SPMIP7: variants seen among roughly 807,000 people sequenced by gnomAD.
The protein encoded by SPMIP7 is protein SPMIP7.
chr7:50,128,770 T>C, the SPMIP7 span, among the ~76,000 whole-genome samples: 1 of 152,004 alleles, frequency 6.6e-6, no homozygotes, highest in African/African-American at 2.4e-5. Flanking sequence ...TTATAATTCA[T>C]GGACAGTAAA....
chr7:50,137,913 T>C, the SPMIP7 span, among the ~76,000 whole-genome samples: 1 of 152,160 alleles, frequency 6.6e-6, no homozygotes, highest in African/African-American at 2.4e-5. Context: ...TTCTTGGTAA[T>C]ATGAATCAAA....
chr7:50,151,637 C>A, the SPMIP7 span: 2 of 951,314 alleles, frequency 2.1e-6, no homozygotes, highest in Non-Finnish European at 3.0e-6. Flanking sequence ...CATTAAAGAA[C>A]AATTAAATAG....
chr7:50,155,475 C>T, the SPMIP7 span, among the ~76,000 whole-genome samples: 1 of 152,082 alleles, frequency 6.6e-6, no homozygotes, highest in African/African-American at 2.4e-5. Context: ...AGGAGGGATC[C>T]GATGCAGAGA....
At chr7:50,126,906 A>G in the SPMIP7 span, among the ~76,000 whole-genome samples, 1 of 152,086 alleles carries the variant, frequency 6.6e-6, no homozygotes, top group South Asian at 2.1e-4. Flanking sequence ...GAATAGAAAA[A>G]ATACTAAATT....
chr7:50,157,108 G>T, the SPMIP7 span, among the ~76,000 whole-genome samples: 1 of 152,192 alleles, frequency 6.6e-6, no homozygotes, highest in East Asian at 1.9e-4. Context: ...GCATTTGGCT[G>T]GATCTCTGTA....
chr7:50,129,826 G>A, the SPMIP7 span: 3 of 1,386,410 alleles, frequency 2.2e-6, no homozygotes, highest in Non-Finnish European at 3.0e-6. Context: ...TTTTGATTTT[G>A]GAATATATTT....
At chr7:50,140,475 C>T in the SPMIP7 span, among the ~76,000 whole-genome samples, 3 of 152,102 alleles carry the variant, frequency 2.0e-5, no homozygotes, top group East Asian at 5.8e-4. Flanking sequence ...AATAAAATAC[C>T]TTGGATGCTA....
the SPMIP7 span, among the ~76,000 whole-genome samples, chr7:50,098,678 T>G: frequency 2.0e-5 from 3 of 152,168 alleles, no homozygotes; most frequent in African/African-American, 7.2e-5. Context: ...CCTTGCATCC[T>G]CAGAGAGAGA....
At chr7:50,140,037 A>AT in the SPMIP7 span, 2 of 758,298 alleles carry the variant, frequency 2.6e-6, no homozygotes, top group Non-Finnish European at 4.1e-6. Context: ...TTCCTATGAG[A>AT]TATCTGTGAA....
At chr7:50,141,625 A>G in the SPMIP7 span, 1 of 399,732 alleles carries the variant, frequency 2.5e-6, no homozygotes, top group Non-Finnish European at 4.7e-6. Context: ...TTCATCTGAA[A>G]CTTGTGAGAA....
chr7:50,110,018 G>A, the SPMIP7 span, among the ~76,000 whole-genome samples: 1 of 151,970 alleles, frequency 6.6e-6, no homozygotes, highest in Non-Finnish European at 1.5e-5. Flanking sequence ...GGATTTTTTG[G>A]TACACAATCA....
chr7:50,158,039 A>G, the SPMIP7 span, among the ~76,000 whole-genome samples: 538 of 152,360 alleles, frequency 3.5e-3, 3 homozygotes, highest in African/African-American at 0.013. Flanking sequence ...CAGAGCCAGT[A>G]AAACCCTGTA....
chr7:50,158,788 G>A, the SPMIP7 span, among the ~76,000 whole-genome samples: 2 of 152,000 alleles, frequency 1.3e-5, no homozygotes, highest in East Asian at 1.9e-4. Context: ...GCCCTCCCCA[G>A]GCACGGTGCG....
chr7:50,136,175 A>G, the SPMIP7 span: 9 of 1,537,210 alleles, frequency 5.9e-6, no homozygotes, highest in African/African-American at 4.1e-5. Context: ...TGTAAGTTTT[A>G]TCTCCTAAAG....
chr7:50,159,073 C>T, the SPMIP7 span: 12 of 1,552,010 alleles, frequency 7.7e-6, no homozygotes, highest in Middle Eastern at 1.7e-4. Context: ...TGGCAGTTGA[C>T]CTCTTCCGTC....
the SPMIP7 span, among the ~76,000 whole-genome samples, chr7:50,128,588 A>G: frequency 6.6e-6 from 1 of 152,018 alleles, no homozygotes; most frequent in South Asian, 2.1e-4. Context: ...CAAAATTTGT[A>G]TATCTATTAT....
At chr7:50,136,088 T>C in the SPMIP7 span, 1 of 1,545,464 alleles carries the variant, frequency 6.5e-7, no homozygotes, top group Non-Finnish European at 8.8e-7. Flanking sequence ...ATTTTGACGA[T>C]TATTTTTAGA....
At chr7:50,125,724 A>T in the SPMIP7 span, among the ~76,000 whole-genome samples, 1 of 152,000 alleles carries the variant, frequency 6.6e-6, no homozygotes, top group Non-Finnish European at 1.5e-5. Context: ...TAAACCAGGC[A>T]CAGAAACAGA....
the SPMIP7 span, among the ~76,000 whole-genome samples, chr7:50,158,067 C>A: frequency 1.3e-5 from 2 of 152,206 alleles, no homozygotes; most frequent in South Asian, 4.1e-4. Flanking sequence ...CCTTGTTCAC[C>A]CTCCCCCAGC....
Sources: gnomAD v4.1 joint callset for allele counts (sites outside exome capture counted in the v4.1 genomes callset) on GRCh38, gnomAD v4.1.1 for gene constraint, MANE v1.5 for transcripts, NCBI Gene and HGNC (gene_info 2026-07-23, HGNC 2026-07-21) for gene names.